NLRP8: variants seen among roughly 807,000 people sequenced by gnomAD.
NLRP8 encodes the protein NACHT, LRR and PYD domains-containing protein 8.
Under a neutral mutation model 88.7 loss-of-function variants are expected in NLRP8, and 86 were observed. That is an observed-to-expected ratio of 0.97 (90% confidence interval 0.81 to 1.16). The LOEUF is 1.16. NLRP8 is among the 50% of genes most tolerant of loss of function. The pLI is 0.00. For synonymous variants in NLRP8, 504 were observed against 494.6 expected (o/e 1.02, Z -0.25); for missense variants, 1,342 against 1,286.5 (o/e 1.04, Z -0.66).
chr19:55,950,542 T>C (rs1979046760), intron 1 of NLRP8, among the ~76,000 whole-genome samples: 1 of 152,110 alleles, frequency 6.6e-6, no homozygotes, highest in African/African-American at 2.4e-5. Context: ...CCCAAATCAA[T>C]ACTTACAGCG....
At position 55,973,939 on chromosome 19, in the gene NLRP8, C is replaced by T. The variant is rs1980195258; in HGVS notation, c.2705+117C>T. The T allele has an allele frequency of 4.9e-6, 5 of 1,011,952 alleles. No homozygotes were observed. The South Asian group carries it at 5.3e-5, about 11-fold the overall frequency. 62.7% of individuals were successfully genotyped at this position (1,011,952 alleles called of 1,614,324 possible). ...TATTAAGTGCCTACTGCGTGTTAGGCATGGTGCTAGCACTGAGGGGAAAAG... is the reference window on the plus strand; with the variant it reads ...TATTAAGTGCCTACTGCGTGTTAGGTATGGTGCTAGCACTGAGGGGAAAAG... On this transcript the variant is annotated intron_variant, in intron 7 of 9. Transcript: ENST00000291971.
At chr19:55,972,424 T>C (rs915940948) in intron 6 of NLRP8, among the ~76,000 whole-genome samples, 2 of 151,912 alleles carry the variant, frequency 1.3e-5, no homozygotes, top group Non-Finnish European at 2.9e-5. Flanking sequence ...CTTTTTTTTT[T>C]TCAGGTTTTA....
At position 55,987,598 on chromosome 19, in the gene NLRP8, G is replaced by T. The variant is rs530849968; in HGVS notation, c.3048-216G>T. ...CCAGATAAGTTAAATGGCTTGCCTG[G>T]GGTAGAAAGCAGCAAATCATTCAAA... On this transcript the variant is annotated intron_variant, in intron 9 of 9. Transcript: ENST00000291971. Among the ~76,000 whole-genome samples, 11 of 152,312 alleles carry T rather than the reference G, an allele frequency of 7.2e-5. No homozygotes were observed. In the South Asian group the frequency reaches 1.0e-3, roughly 14 times the overall value.
chr19:55,976,988 G>A (rs1213983878), intron 8 of NLRP8, among the ~76,000 whole-genome samples: 3 of 149,082 alleles, frequency 2.0e-5, no homozygotes, highest in Non-Finnish European at 4.4e-5. Flanking sequence ...GCTGAGGCAG[G>A]AGAATGGTGT....
chr19:55,964,311 T>A (rs1979741241), intron 4 of NLRP8, among the ~76,000 whole-genome samples: 1 of 152,262 alleles, frequency 6.6e-6, no homozygotes, highest in Non-Finnish European at 1.5e-5. Flanking sequence ...AAATGTCGTA[T>A]GCTCTCCCTT....
Position 55,955,766 on chromosome 19 carries a change from G to A in NLRP8, c.1708G>A (p.Ala570Thr). 1 of 1,614,156 alleles carries A rather than the reference G, an allele frequency of 6.2e-7. No homozygotes were observed. Among genetic ancestry groups the A allele is most frequent in the Non-Finnish European group, 8.5e-7 (1 of 1,180,018 alleles). ...TTTTCTGAACGAGGCCTGCGCTTCGGCCGTGGAACAGTCATTCCAATGCAA... is the reference window on the plus strand; with the variant it reads ...TTTTCTGAACGAGGCCTGCGCTTCGACCGTGGAACAGTCATTCCAATGCAA... The change falls in exon 3 of 10, where the codon GCC becomes ACC. Residue 570 changes from alanine to threonine, a missense_variant. Transcript: ENST00000291971.
At chr19:55,987,686 T>C (rs1169342577) in intron 9 of NLRP8, 1 of 669,314 alleles carries the variant, frequency 1.5e-6, no homozygotes, top group Non-Finnish European at 2.7e-6. Flanking sequence ...TCAGGACACC[T>C]GGGTAGAAAG....
intron 6 of NLRP8, 39 bp from the exon 7 acceptor site, chr19:55,973,613 C>T (rs778247584): frequency 5.9e-6 from 9 of 1,536,998 alleles, no homozygotes; most frequent in Non-Finnish European, 7.9e-6. Flanking sequence ...AGACAAAGAC[C>T]CCTCTCCATT....
chr19:55,985,062 G>A (rs1333255564), intron 9 of NLRP8, among the ~76,000 whole-genome samples: 1 of 152,208 alleles, frequency 6.6e-6, no homozygotes, highest in African/African-American at 2.4e-5. Flanking sequence ...CCAACACTTT[G>A]GGAGGCCCAG....
In NLRP8 at chr19:55,948,148, A is replaced by C; in HGVS notation, c.246A>C (p.Ala82=). 6.2e-7 allele frequency: 1 copy of C among 1,614,178 alleles called. No homozygotes were observed. The change falls in exon 1 of 10, where the codon GCA becomes GCC. Residue 82 remains alanine, a synonymous_variant. Transcript: ENST00000291971. Reference sequence around the variant, plus strand: ...ACCAGGTCGAGACAGCCAGCTGGGCAGAGGTGGTTCATCTCTTGATAGAGC... The same window carrying C: ...ACCAGGTCGAGACAGCCAGCTGGGCCGAGGTGGTTCATCTCTTGATAGAGC...
chr19:55,955,863 C>CG lies in NLRP8; in HGVS notation c.1808dup (p.Ser604GlnfsTer12). 1 of 1,614,190 alleles carries CG rather than the reference C, an allele frequency of 6.2e-7. No individual in the cohort carries two copies. The highest frequency in any genetic ancestry group is 8.5e-7 in the Non-Finnish European group (1 of 1,180,038). On this transcript the variant is annotated frameshift_variant, in exon 3 of 10. Coordinates refer to ENST00000291971, the MANE Select transcript of NLRP8 (RefSeq NM_176811.2). LOFTEE classifies it high-confidence loss of function. Reference sequence around the variant, plus strand: ...TTGCATAAATGTGACCCACCTTCTCCGGGCAGTGGGGTCCCGCAGTTATTC... The same window carrying CG: ...TTGCATAAATGTGACCCACCTTCTCCGGGGCAGTGGGGTCCCGCAGTTATTC...
chr19:55,975,830 T>C (rs1361916104), intron 7 of NLRP8, among the ~76,000 whole-genome samples: 3 of 151,908 alleles, frequency 2.0e-5, no homozygotes, highest in Admixed American at 2.0e-4. Context: ...TCCTTAGGGG[T>C]GACAAAAATA....
In NLRP8 at chr19:55,966,480, G is replaced by A; in HGVS notation, c.2381+100G>A. ...TCAGTTTCCCTCTGTCCTTTCCTTT[G>A]ATCTGCTGTTGGCTTTGTTCAACTT... is the stretch of plus-strand genomic sequence containing the variant. On this transcript the variant is annotated intron_variant, in intron 5 of 9. Coordinates refer to ENST00000291971, the MANE Select transcript of NLRP8 (RefSeq NM_176811.2). 2.6e-6 allele frequency: 3 copies of A among 1,171,056 alleles called. No individual in the cohort carries two copies. In the East Asian group the frequency reaches 7.3e-5, roughly 28 times the overall value. 72.5% of individuals were successfully genotyped at this position (1,171,056 alleles called of 1,614,324 possible).
At chr19:55,954,433 T>C (rs1979235349) in intron 2 of NLRP8, 68 bp from the exon 3 acceptor site, 5 of 1,480,706 alleles carry the variant, frequency 3.4e-6, no homozygotes, top group African/African-American at 1.4e-5. Context: ...GGTTTTCTTA[T>C]TGCTCTATTA....
intron 4 of NLRP8, among the ~76,000 whole-genome samples, chr19:55,964,544 G>T (rs1465342887): frequency 6.6e-6 from 1 of 152,146 alleles, no homozygotes; most frequent in Non-Finnish European, 1.5e-5. Flanking sequence ...CTGAGCTCAG[G>T]AGTTCGTGAC....
At chr19:55,961,914 GT>G (rs1979629031) in intron 3 of NLRP8, among the ~76,000 whole-genome samples, 152 bp from the exon 4 acceptor site, 1 of 152,178 alleles carries the variant, frequency 6.6e-6, no homozygotes, top group Non-Finnish European at 1.5e-5. Flanking sequence ...CCTCGTGATG[GT>G]TTTTCTGAGT....
chr19:55,960,603 G>A (rs7247545), intron 3 of NLRP8, among the ~76,000 whole-genome samples: 4,502 of 152,242 alleles, frequency 0.03, 191 homozygotes, highest in African/African-American at 0.098. Flanking sequence ...ATGTTGGTTA[G>A]TCCATTGATC....
Sources: allele counts gnomAD v4.1 joint callset (sites outside exome capture counted in the v4.1 genomes callset), GRCh38; gene constraint gnomAD v4.1.1; transcripts MANE v1.5; gene names NCBI Gene and HGNC (gene_info 2026-07-23, HGNC 2026-07-21).